Variants in GBF1 observed in about 807,000 individuals in gnomAD.
GBF1 encodes the protein golgi brefeldin A resistant guanine nucleotide exchange factor 1.
A neutral mutation model predicts 210.5 loss-of-function variants in GBF1; 114 were observed. The observed-to-expected ratio is 0.54, with a 90% CI of 0.47 to 0.63. The LOEUF is 0.63. GBF1 is among the 30% of genes least tolerant of loss of function. The probability of loss-of-function intolerance (pLI) is 0.00; values close to 1 mark genes in which losing one functional copy is unlikely to be tolerated. For synonymous variants in GBF1, 850 were observed against 889.2 expected (o/e 0.96, Z 0.78); for missense variants, 1,851 against 2,357.7 (o/e 0.79, Z 4.45).
chr10:102,351,615 C>T (rs935537224), intron 5 of GBF1, among the ~76,000 whole-genome samples: 20 of 152,098 alleles, frequency 1.3e-4, no homozygotes, highest in East Asian at 3.9e-4. Flanking sequence ...TACCTCTGGC[C>T]GACTGTATTT....
rs2135405322 is a variant in GBF1, at chr10:102,382,544, T to G, written c.*208T>G. The stretch of plus-strand genomic sequence containing the variant: ...ACCTTTTTCCTCCTCTGCGCTCCAT[T>G]CCTGGGGGTTCAGCCTGAGAGTGAA... On this transcript the variant is annotated 3_prime_UTR_variant, in exon 40 of 40. Transcript: ENST00000369983. 2 of 517,654 alleles carry G rather than the reference T, an allele frequency of 3.9e-6. No homozygotes were observed. Among genetic ancestry groups the G allele is most frequent in the East Asian group, 3.2e-5 (1 of 31,350 alleles). The allele number at this position is 517,654 out of a possible 1,614,324, so 32.1% of individuals were successfully genotyped here. A position where few individuals can be genotyped will look rare whatever the true frequency, so the allele number is the denominator to read the frequency against.
intron 7 of GBF1, 81 bp downstream of exon 7, chr10:102,352,599 C>G (rs1460932300): frequency 6.5e-6 from 6 of 921,564 alleles, no homozygotes; most frequent in African/African-American, 1.6e-5. Flanking sequence ...CGTCAGGGAC[C>G]TGGCCAACCC....
At chr10:102,300,625 G>T (rs2077258610) in intron 3 of GBF1, among the ~76,000 whole-genome samples, 1 of 152,132 alleles carries the variant, frequency 6.6e-6, no homozygotes, top group South Asian at 2.1e-4. Context: ...ACCTAATGAC[G>T]CCAGAATTCA....
intron 3 of GBF1, among the ~76,000 whole-genome samples, chr10:102,331,041 G>A (rs143471692): frequency 6.6e-4 from 101 of 152,226 alleles, no homozygotes; most frequent in East Asian, 3.5e-3. Context: ...GATTTCAGGA[G>A]CAGAGATTTA....
intron 3 of GBF1, among the ~76,000 whole-genome samples, chr10:102,270,095 G>A (rs1207631642): frequency 6.6e-6 from 1 of 151,798 alleles, no homozygotes; most frequent in African/African-American, 2.4e-5. Flanking sequence ...AGCCAGGATG[G>A]TCTTGATCTC....
chr10:102,368,800 T>C lies in GBF1; in HGVS notation c.2941T>C (p.Ser981Pro). Residue 981 changes from serine to proline, a missense_variant, in exon 23 of 40, where the codon TCT (serine) becomes CCT (proline). Around this residue, in one of 3 missense-constraint regions of GBF1, gnomAD observed 967 missense variants for 1,247.7 expected, o/e 0.78. Transcript: ENST00000369983. ...LSDVFDNLII[S>P]LCKFTALSSE... is the part of the protein sequence containing the mutation. Reference sequence around the variant, plus strand: ...CGATGTGTTTGACAATCTCATCATCTCTCTATGCAAATTCACAGCTCTCAG... The same window carrying C: ...CGATGTGTTTGACAATCTCATCATCCCTCTATGCAAATTCACAGCTCTCAG... The C allele has an allele frequency of 6.2e-7, 1 of 1,612,778 alleles. No individual in the cohort carries two copies.
intron 8 of GBF1, among the ~76,000 whole-genome samples, chr10:102,356,650 C>T (rs2059307094): frequency 6.6e-6 from 1 of 151,786 alleles, no homozygotes; most frequent in East Asian, 1.9e-4. Context: ...GCCTGTAGTC[C>T]CAGCTACTCA....
chr10:102,338,764 T>C (rs2057957721), intron 3 of GBF1, among the ~76,000 whole-genome samples: 1 of 151,536 alleles, frequency 6.6e-6, no homozygotes, highest in African/African-American at 2.4e-5. Context: ...CTGACAAACA[T>C]GGAGATACCC....
Position 102,358,054 on chromosome 10 carries a change from G to T in GBF1, c.655G>T (p.Gly219Ter), listed in dbSNP as rs755837604. The T allele has an allele frequency of 6.2e-7, 1 of 1,606,166 alleles. No homozygotes were observed. The highest frequency in any genetic ancestry group is 8.5e-7 in the Non-Finnish European group (1 of 1,172,810). ...TNMKKLKMRA[G>*]GMSDSSKWKK... is the part of the protein sequence containing the mutation. The stretch of plus-strand genomic sequence containing the variant: ...ATATTTCCAGCTGAAAATGAGAGCC[G>T]GAGGCATGAGTGATTCATCCAAATG... The change falls in exon 9 of 40, where the codon GGA (glycine) becomes TGA (stop). Residue 219 changes from glycine (G) to a stop codon, truncating the protein, a stop_gained. Coordinates refer to ENST00000369983, the MANE Select transcript of GBF1 (RefSeq NM_001377137.1). LOFTEE classifies it high-confidence loss of function.
rs1054544951 is a variant in GBF1, at chr10:102,344,118, C to T, written c.231C>T (p.Thr77=). ...TGGAAGTGATTCGCTCTGAAGATAC[C>T]ACTGGCCCTATCACTGGACTGGCAC... The part of the protein sequence containing the change: ...PFLEVIRSED[T]TGPITGLALT... The change falls in exon 4 of 40, where the codon ACC becomes ACT. Residue 77 remains threonine (T), a synonymous_variant. Coordinates refer to ENST00000369983, the MANE Select transcript of GBF1 (RefSeq NM_001377137.1). 5 of 1,611,284 alleles carry T rather than the reference C, an allele frequency of 3.1e-6. No individual in the cohort carries two copies. The highest frequency in any genetic ancestry group is 3.3e-5 in the Admixed American group (2 of 59,992).
At chr10:102,368,590 C>A in intron 22 of GBF1, 136 bp downstream of exon 22, 1 of 801,602 alleles carries the variant, frequency 1.2e-6, no homozygotes. Flanking sequence ...GAGGCTGAAG[C>A]TTGGGTAGGC....
chr10:102,370,929 A>G, intron 29 of GBF1, 69 bp downstream of exon 29: 1 of 1,417,308 alleles, frequency 7.1e-7, no homozygotes. Context: ...TCAATTATGA[A>G]TATGGCCTGA....
At chr10:102,253,099 T>C (rs1478078152) in intron 1 of GBF1, among the ~76,000 whole-genome samples, 1 of 152,134 alleles carries the variant, frequency 6.6e-6, no homozygotes, top group Non-Finnish European at 1.5e-5. Context: ...TTCACCATGC[T>C]GGCCAGGCTG....
intron 3 of GBF1, among the ~76,000 whole-genome samples, chr10:102,331,266 A>G (rs760503907): frequency 2.6e-5 from 4 of 152,160 alleles, no homozygotes; most frequent in Non-Finnish European, 5.9e-5. Context: ...TGCACCAGGT[A>G]TCTAGGGAGG....
At chr10:102,301,819 G>T (rs1173646054) in intron 3 of GBF1, among the ~76,000 whole-genome samples, 7 of 151,360 alleles carry the variant, frequency 4.6e-5, no homozygotes, top group African/African-American at 1.7e-4. Flanking sequence ...CATCCCAGAC[G>T]ATGGGCGGCC....
chr10:102,363,205 G>A lies in GBF1; in HGVS notation c.1877-51G>A. The A allele has an allele frequency of 6.5e-7, 1 of 1,533,568 alleles. No homozygotes were observed. The highest frequency in any genetic ancestry group is 8.8e-7 in the Non-Finnish European group (1 of 1,130,516). The allele number at this position is 1,533,568 out of a possible 1,614,324, so 95.0% of individuals were successfully genotyped here. ...GGGATTTGATCTATCCTGCAGCTCTGCTTGGCTTCATACCCTATAAGTCTT... is the reference window on the plus strand; with the variant it reads ...GGGATTTGATCTATCCTGCAGCTCTACTTGGCTTCATACCCTATAAGTCTT... On this transcript the variant is annotated intron_variant, in intron 15 of 39. Transcript: ENST00000369983. The surrounding 1 kb of genome is among the most constrained non-coding windows in gnomAD (Gnocchi z 4.2).
Position 102,363,352 on chromosome 10 carries a change from G to A in GBF1, c.1973G>A (p.Gly658Glu), listed in dbSNP as rs749276534. The change falls in exon 16 of 40, where the codon GGG becomes GAG. Residue 658 changes from glycine to glutamate, a missense_variant. Gly to Glu is a moderately conservative substitution (Grantham distance 98, BLOSUM62 -2). Around this residue, in one of 3 missense-constraint regions of GBF1, gnomAD observed 804 missense variants for 958.6 expected, o/e 0.84. Coordinates refer to ENST00000369983, the MANE Select transcript of GBF1 (RefSeq NM_001377137.1). This position sits in a 1 kb window ranked among gnomAD's most constrained non-coding sequence, Gnocchi z 4.2. ...PGGGRLPPEHGKSGCSDLEEA... is the reference protein window; with the variant it reads ...PGGGRLPPEHEKSGCSDLEEA... ...GGAGGGCGGCTGCCACCAGAACATG[G>A]GAAATCAGGATGCAGTGATCTGGAG... 30 of 1,614,002 alleles carry A rather than the reference G, an allele frequency of 1.9e-5. No homozygotes were observed. Among genetic ancestry groups the A allele is most frequent in the Non-Finnish European group, 2.5e-5 (30 of 1,180,006 alleles).
chr10:102,289,131 G>A (rs1184172390), intron 3 of GBF1, among the ~76,000 whole-genome samples: 1 of 151,194 alleles, frequency 6.6e-6, no homozygotes, highest in Non-Finnish European at 1.5e-5. Context: ...AGCCTTAGGA[G>A]TTATTTACTA....
At position 102,376,726 on chromosome 10, in the gene GBF1, C is replaced by T. The variant is rs750417995; in HGVS notation, c.4214C>T (p.Ala1405Val). 3 of 1,610,706 alleles carry T rather than the reference C, an allele frequency of 1.9e-6. No individual in the cohort carries two copies. Among genetic ancestry groups the T allele is most frequent in the South Asian group, 2.2e-5 (2 of 91,052 alleles). Residue 1405 changes from alanine (A) to valine (V), a missense_variant, in exon 32 of 40, where the codon GCC becomes GTC. Ala to Val is a moderately conservative substitution (Grantham distance 64). Transcript: ENST00000369983. ...ESLSFIVRDAAHITPDNFELC... is the reference protein window; with the variant it reads ...ESLSFIVRDAVHITPDNFELC... The stretch of plus-strand genomic sequence containing the variant: ...CTGTCCTTCATTGTGCGTGATGCTG[C>T]CCACATCACACCTGACAACTTTGAG...
Sources: allele counts gnomAD v4.1 joint callset (sites outside exome capture counted in the v4.1 genomes callset), GRCh38; gene constraint gnomAD v4.1.1; regional missense constraint gnomAD v4.1.1; non-coding constraint Gnocchi (gnomAD v3.1); transcripts MANE v1.5; gene names NCBI Gene and HGNC (gene_info 2026-07-23, HGNC 2026-07-21).